Variants in USP28 observed in about 807,000 individuals in gnomAD.
USP28 encodes the protein ubiquitin carboxyl-terminal hydrolase 28.
USP28 carries 113 observed loss-of-function variants against 145.0 expected under a neutral mutation model. That is an observed-to-expected ratio of 0.78 (90% CI 0.67 to 0.91). USP28 has a LOEUF of 0.91. Among genes scored for constraint, USP28 ranks in the 40% least tolerant of loss-of-function variants. The pLI is 0.00. For synonymous variants in USP28, 447 were observed against 450.9 expected, an observed-to-expected ratio of 0.99 and a Z score of 0.11; for missense variants, 1,201 against 1,289.6, an observed-to-expected ratio of 0.93 and a Z score of 1.05.
At chr11:113,852,623 C>A (rs775010421) in exon 3 of USP28, 1 of 1,614,008 alleles carries the variant, frequency 6.2e-7, no homozygotes, top group Non-Finnish European at 8.5e-7. Context: ...AGTAATGTCA[C>A]CATTACTGGC....
chr11:113,847,766 A>G (rs1341387536), intron 3 of USP28, among the ~76,000 whole-genome samples: 1 of 152,232 alleles, frequency 6.6e-6, no homozygotes, highest in Non-Finnish European at 1.5e-5. Context: ...TATATACACA[A>G]AAGAACTGAA....
intron 15 of USP28, among the ~76,000 whole-genome samples, chr11:113,813,367 G>A (rs1020594251): frequency 1.3e-5 from 2 of 152,162 alleles, no homozygotes; most frequent in African/African-American, 2.4e-5. Context: ...TAGGTTCAGA[G>A]ACACTCCTGG....
intron 5 of USP28, 146 bp downstream of exon 5, chr11:113,840,452 C>T (rs1219389679): frequency 4.8e-6 from 5 of 1,049,000 alleles, no homozygotes; most frequent in Non-Finnish European, 6.7e-6. Context: ...ATCAAAGCAT[C>T]TAAATCCATA....
At chr11:113,843,161 G>A (rs1945403062) in intron 3 of USP28, among the ~76,000 whole-genome samples, 1 of 152,178 alleles carries the variant, frequency 6.6e-6, no homozygotes. Flanking sequence ...GAACCCAGGA[G>A]GCGGAGGTTG....
At chr11:113,852,605 A>C (rs1266877377) in exon 3 of USP28, 2 of 1,614,174 alleles carry the variant, frequency 1.2e-6, no homozygotes, top group Non-Finnish European at 1.7e-6. Flanking sequence ...GAGAAGGCTG[A>C]CTGCCTGAGT....
intron 1 of USP28, among the ~76,000 whole-genome samples, chr11:113,862,910 A>T (rs1484644621): frequency 1.3e-5 from 2 of 152,170 alleles, no homozygotes; most frequent in Non-Finnish European, 2.9e-5. Context: ...GGGCCTTTAT[A>T]AAAAAACCAA....
intron 17 of USP28, 40 bp downstream of exon 17, chr11:113,809,023 G>A (rs1476480502): frequency 9.4e-6 from 15 of 1,595,328 alleles, no homozygotes; most frequent in African/African-American, 2.7e-5. Flanking sequence ...TACAGCATGA[G>A]ATGTTACTGG....
chr11:113,869,743 C>G (rs1360587869), intron 1 of USP28, among the ~76,000 whole-genome samples: 2 of 152,096 alleles, frequency 1.3e-5, no homozygotes, highest in Non-Finnish European at 2.9e-5. Flanking sequence ...CATTCCCATG[C>G]CTAGTATAAC....
intron 1 of USP28, among the ~76,000 whole-genome samples, chr11:113,871,016 A>G (rs920316418): frequency 4.6e-5 from 7 of 152,232 alleles, no homozygotes; most frequent in Non-Finnish European, 8.8e-5. Context: ...TAATATGCAA[A>G]TGAATCACCC....
chr11:113,863,976 C>T (rs1388314704), intron 1 of USP28, among the ~76,000 whole-genome samples: 3 of 151,062 alleles, frequency 2.0e-5, no homozygotes, highest in Admixed American at 1.3e-4. Context: ...CGGTGGCTCA[C>T]GCCTGTAATC....
exon 14 of USP28, chr11:113,815,317 G>C (rs1327967480): frequency 2.5e-6 from 4 of 1,614,022 alleles, no homozygotes; most frequent in South Asian, 1.1e-5. Context: ...TTTAGACTTG[G>C]GTAAAGAATC....
At chr11:113,866,513 T>G (rs138816743) in intron 1 of USP28, among the ~76,000 whole-genome samples, 7 of 152,212 alleles carry the variant, frequency 4.6e-5, no homozygotes, top group Non-Finnish European at 1.0e-4. Context: ...CCAAAGAAGA[T>G]ATATAAATAG....
exon 25 of USP28, chr11:113,799,074 T>C (rs2134990892): frequency 1.4e-6 from 1 of 719,492 alleles, no homozygotes. Context: ...ACCTAAAAAG[T>C]GCAATTTTAT....
chr11:113,870,205 T>A (rs760569516), intron 1 of USP28, among the ~76,000 whole-genome samples: 3 of 151,750 alleles, frequency 2.0e-5, no homozygotes, highest in Non-Finnish European at 4.4e-5. Flanking sequence ...AAAGTGGTAA[T>A]GAGGGATCAT....
At chr11:113,850,718 C>T (rs1019370392) in intron 3 of USP28, among the ~76,000 whole-genome samples, 1 of 152,196 alleles carries the variant, frequency 6.6e-6, no homozygotes, top group Non-Finnish European at 1.5e-5. Flanking sequence ...TGAACATAGG[C>T]AGCAACCAGT....
Position 113,851,623 on chromosome 11 carries a change from C to T in USP28, c.268+878G>A, listed in dbSNP as rs111482417. 9.5e-3 allele frequency among the ~76,000 whole-genome samples: 1,452 copies of T among 152,222 alleles called. 24 individuals are homozygous for T. The highest frequency in any genetic ancestry group is 0.032 in the African/African-American group (1,314 of 41,516). ...CCAGCTGGCCAACATGGTAAAACCCCGTCTCTACTAAAAATACAAACAATT... is the reference window on the plus strand; with the variant it reads ...CCAGCTGGCCAACATGGTAAAACCCTGTCTCTACTAAAAATACAAACAATT... On this transcript the variant is annotated intron_variant, in intron 3 of 24. Coordinates refer to ENST00000003302, the Ensembl canonical transcript of USP28.
chr11:113,849,036 C>T (rs1016379438), intron 3 of USP28, among the ~76,000 whole-genome samples: 2 of 152,156 alleles, frequency 1.3e-5, no homozygotes, highest in African/African-American at 4.8e-5. Flanking sequence ...AATCTTGAAA[C>T]CTGAAATACT....
intron 8 of USP28, 67 bp from the exon 9 acceptor site, chr11:113,831,010 G>T (rs778903793): frequency 1.3e-5 from 21 of 1,565,776 alleles, no homozygotes; most frequent in Non-Finnish European, 1.8e-5. Context: ...TAAAATCCAA[G>T]CATCATTCAA....
At chr11:113,822,607 TC>T (rs1422898701) in intron 12 of USP28, 5 of 152,182 alleles carry the variant, frequency 3.3e-5, no homozygotes, top group Non-Finnish European at 5.9e-5. Flanking sequence ...TGATACTGCA[TC>T]CAGTTGGTAT....
Sources: gnomAD v4.1 joint callset for allele counts (sites outside exome capture counted in the v4.1 genomes callset) on GRCh38, gnomAD v4.1.1 for gene constraint, MANE v1.5 for transcripts, NCBI Gene and HGNC (gene_info 2026-07-23, HGNC 2026-07-21) for gene names.